EXOSC9: variants seen among roughly 807,000 people sequenced by gnomAD.
EXOSC9 encodes exosome component 9.
Under a neutral mutation model 56.5 loss-of-function variants are expected in EXOSC9, and 38 were observed. The ratio of observed to expected loss-of-function variants is 0.67; its 90% CI spans 0.52 to 0.88. EXOSC9 has a LOEUF of 0.88. EXOSC9 is among the 40% of genes least tolerant of loss of function. The probability of loss-of-function intolerance (pLI) is 0.00; values close to 1 mark genes in which losing one functional copy is unlikely to be tolerated. For missense variants in EXOSC9, 559 were observed against 530.5 expected, an observed-to-expected ratio of 1.05 and a Z score of -0.53; for synonymous variants, 170 against 170.8, an observed-to-expected ratio of 0.99 and a Z score of 0.04.
At chr4:121,807,696 T>C (rs1727065176) in intron 6 of EXOSC9, 74 bp downstream of exon 6, 1 of 895,272 alleles carries the variant, frequency 1.1e-6, no homozygotes, top group Non-Finnish European at 1.9e-6. Context: ...AAGTATGTCA[T>C]GTTAATATTA....
At chr4:121,815,335 T>C in intron 10 of EXOSC9, 16 of 971,446 alleles carry the variant, frequency 1.6e-5, no homozygotes, top group Non-Finnish European at 2.0e-5. Context: ...ATATACCTCT[T>C]ATATGTTTGT....
rs1726971309 is a variant in EXOSC9 at position 121,804,756 on chromosome 4, A to G, written c.519A>G (p.Thr173=). The G allele has an allele frequency of 1.2e-6, 2 of 1,606,174 alleles. No homozygotes were observed. Among genetic ancestry groups the G allele is most frequent in the Middle Eastern group, 1.7e-4 (1 of 6,044 alleles). The change falls in exon 5 of 12, where the codon ACA becomes ACG. Residue 173 remains threonine, a synonymous_variant. Transcript: ENST00000243498. ...PDVSVQGDEV[T]LYTPEERDPV... ...TCTCTGTCCAAGGAGATGAAGTAAC[A>G]CTGGTAAGCTCCTATGTGAACCAGG... is the stretch of plus-strand genomic sequence containing the variant.
intron 6 of EXOSC9, among the ~76,000 whole-genome samples, chr4:121,808,966 T>C (rs766407774): frequency 5.3e-5 from 8 of 151,988 alleles, no homozygotes; most frequent in Non-Finnish European, 1.2e-4. Context: ...TGAGCCACCA[T>C]GCGCAGCATT....
At chr4:121,804,176 C>CTTTTTTT (rs10707993) in intron 4 of EXOSC9, among the ~76,000 whole-genome samples, 2 of 121,218 alleles carry the variant, frequency 1.6e-5, no homozygotes, top group African/African-American at 3.6e-5. Context: ...AACTAAAAAA[C>CTTTTTTT]TTTTTTTTTT....
chr4:121,809,841 A>G lies in EXOSC9; in HGVS notation c.606-126A>G, dbSNP rs779256616. 5 of 1,074,218 alleles carry G rather than the reference A, an allele frequency of 4.7e-6. No homozygotes were observed. In the East Asian group the frequency reaches 7.2e-5, roughly 15 times the overall value. 66.5% of individuals were successfully genotyped at this position (1,074,218 alleles called of 1,614,324 possible). A position where few individuals can be genotyped will look rare whatever the true frequency, so the allele number is the denominator to read the frequency against. The stretch of plus-strand genomic sequence containing the variant: ...TCTCTTTCCCCATTTCAGTGACCCA[A>G]ATCCGTAGGCTCAGACCTTTATTCT... On this transcript the variant is annotated intron_variant, in intron 6 of 11. Coordinates refer to ENST00000243498, the MANE Select transcript of EXOSC9 (RefSeq NM_005033.3).
chr4:121,810,050 A>G lies in EXOSC9; in HGVS notation c.689A>G (p.Glu230Gly), dbSNP rs779063530. ...LLVIAMNKHR[E>G]ICTIQSSGGI... The stretch of plus-strand genomic sequence containing the variant: ...GTGATTGCCATGAACAAACATCGAG[A>G]GATTTGTACTATCCAGTCCAGTGGT... Residue 230 changes from glutamate to glycine, a missense_variant, in exon 7 of 12, where the codon GAG becomes GGG. Glu to Gly is a moderately conservative substitution (Grantham distance 98). Coordinates refer to ENST00000243498, the MANE Select transcript of EXOSC9 (RefSeq NM_005033.3). 1 of 1,614,004 alleles carries G rather than the reference A, an allele frequency of 6.2e-7. No homozygotes were observed. Among genetic ancestry groups the G allele is most frequent in the Non-Finnish European group, 8.5e-7 (1 of 1,179,856 alleles).
At chr4:121,805,084 A>G (rs1159742012) in intron 5 of EXOSC9, among the ~76,000 whole-genome samples, 1 of 152,244 alleles carries the variant, frequency 6.6e-6, no homozygotes, top group Non-Finnish European at 1.5e-5. Flanking sequence ...GAATCTCAGC[A>G]CAGTGAGATG....
At chr4:121,809,391 T>G (rs1727140218) in intron 6 of EXOSC9, among the ~76,000 whole-genome samples, 1 of 152,216 alleles carries the variant, frequency 6.6e-6, no homozygotes. Flanking sequence ...ATAAAATGAT[T>G]AATGAAATAA....
At chr4:121,815,309 A>G in intron 10 of EXOSC9, 7 of 950,324 alleles carry the variant, frequency 7.4e-6, no homozygotes, top group Non-Finnish European at 8.8e-6. Context: ...CTCACTGTTA[A>G]TATCCTTGCA....
Position 121,804,717 on chromosome 4 carries a change from C to A in EXOSC9, c.480C>A (p.Phe160Leu), listed in dbSNP as rs142017713. 1 of 1,613,126 alleles carries A rather than the reference C, an allele frequency of 6.2e-7. No homozygotes were observed. Among genetic ancestry groups the A allele is most frequent in the African/African-American group, 1.3e-5 (1 of 74,910 alleles). The change falls in exon 5 of 12, where the codon TTC (phenylalanine) becomes TTA (leucine). Residue 160 changes from phenylalanine (F) to leucine (L), a missense_variant. Transcript: ENST00000243498. ...CTGCAATCGTGGCCTTATGTCATTT[C>A]CGAAGACCTGATGTCTCTGTCCAAG... ...SIAAIVALCH[F>L]RRPDVSVQGD...
At position 121,814,066 on chromosome 4, in the gene EXOSC9, C is replaced by A; in HGVS notation, c.1156+19C>A. 1 of 1,372,784 alleles carries A rather than the reference C, an allele frequency of 7.3e-7. No individual in the cohort carries two copies. Among genetic ancestry groups the A allele is most frequent in the Non-Finnish European group, 9.8e-7 (1 of 1,018,598 alleles). 85.0% of individuals were successfully genotyped at this position (1,372,784 alleles called of 1,614,324 possible). On this transcript the variant is annotated intron_variant, in intron 10 of 11. Coordinates refer to ENST00000243498, the MANE Select transcript of EXOSC9 (RefSeq NM_005033.3). The stretch of plus-strand genomic sequence containing the variant: ...AGCCAAGGTAGGTGACACTTTATGG[C>A]ACACTTACTATATATTACATACATA...
chr4:121,802,340 A>G (rs978640190), intron 2 of EXOSC9, among the ~76,000 whole-genome samples: 8 of 152,362 alleles, frequency 5.3e-5, no homozygotes, highest in East Asian at 3.9e-4. Context: ...GAACTATGCC[A>G]TGTGAAAACC....
intron 5 of EXOSC9, among the ~76,000 whole-genome samples, chr4:121,807,214 C>T (rs551371353): frequency 2.6e-5 from 4 of 152,198 alleles, no homozygotes; most frequent in African/African-American, 9.6e-5. Flanking sequence ...CGCATGAGCC[C>T]AGGAGGCGGA....
rs1560621996 is a variant in EXOSC9 at position 121,802,801 on chromosome 4, A to G, written c.281+8A>G. On this transcript the variant is annotated splice_region_variant and intron_variant, in intron 3 of 11. Transcript: ENST00000243498. Reference sequence around the variant, plus strand: ...AGCTTTCGAACCTGGCAGGTATTTAAATCTTTTTCTTAAGTTGCTTTAGTC... The same window carrying G: ...AGCTTTCGAACCTGGCAGGTATTTAGATCTTTTTCTTAAGTTGCTTTAGTC... 2 of 1,613,322 alleles carry G rather than the reference A, an allele frequency of 1.2e-6. No homozygotes were observed. The highest frequency in any genetic ancestry group is 8.5e-7 in the Non-Finnish European group (1 of 1,179,810).
rs3217781 is a variant in EXOSC9, at chr4:121,816,089, G to A, written c.1157-280G>A. On this transcript the variant is annotated intron_variant, in intron 10 of 11. Transcript: ENST00000243498. ...TCTCATGCCTCAGCCTCGAGTAGCT[G>A]GGCCTACAAGCACATGCCACCACGC... is the stretch of plus-strand genomic sequence containing the variant. 2,324 of 668,642 alleles carry A rather than the reference G, an allele frequency of 3.5e-3. 46 individuals are homozygous for A. In the African/African-American group the frequency reaches 0.039, roughly 11 times the overall value. 41.4% of individuals were successfully genotyped at this position (668,642 alleles called of 1,614,324 possible). A position where few individuals can be genotyped will look rare whatever the true frequency, so the allele number is the denominator to read the frequency against.
At chr4:121,802,830 G>C in intron 3 of EXOSC9, 37 bp downstream of exon 3, 2 of 1,613,302 alleles carry the variant, frequency 1.2e-6, no homozygotes, top group Non-Finnish European at 1.7e-6. Context: ...TTTAGTCATA[G>C]GAGAACCTAA....
chr4:121,801,957 G>C (rs760194555), intron 2 of EXOSC9, 36 bp downstream of exon 2: 20 of 1,441,248 alleles, frequency 1.4e-5, no homozygotes, highest in Non-Finnish European at 1.9e-5. Flanking sequence ...ATTCGGAAGG[G>C]AGAAGTTTGA....
At chr4:121,814,609 G>A (rs944234329) in intron 10 of EXOSC9, 1 of 152,020 alleles carries the variant, frequency 6.6e-6, no homozygotes, top group Non-Finnish European at 1.5e-5. Flanking sequence ...ATCTACACTG[G>A]TATAGCAGCC....
intron 3 of EXOSC9, 54 bp from the exon 4 acceptor site, chr4:121,802,861 A>T: frequency 1.2e-6 from 2 of 1,610,654 alleles, no homozygotes; most frequent in Non-Finnish European, 1.7e-6. Flanking sequence ...CTTTTGTTTT[A>T]ATACCTGGTG....
Sources: gnomAD v4.1 joint callset for allele counts (sites outside exome capture counted in the v4.1 genomes callset) on GRCh38, gnomAD v4.1.1 for gene constraint, MANE v1.5 for transcripts, NCBI Gene and HGNC (gene_info 2026-07-23, HGNC 2026-07-21) for gene names.